The following ANO2 variants were observed in gnomAD, a reference collection of about 807,000 sequenced individuals.
The protein encoded by ANO2 is anoctamin 2, also known as anoctamin-2.
In ANO2, 101 loss-of-function variants were observed where a neutral mutation model predicts 124.2. The ratio of observed to expected loss-of-function variants is 0.81; its 90% confidence interval spans 0.69 to 0.96. ANO2 has a LOEUF of 0.96. ANO2 is among the 40% of genes least tolerant of loss of function. The pLI, the probability that ANO2 is intolerant of heterozygous loss-of-function variation, is 0.00. For missense variants in ANO2, 1,293 were observed against 1,274.5 expected (o/e 1.01, Z -0.22); for synonymous variants, 486 against 482.5 (o/e 1.01, Z -0.09).
Position 5,925,096 on chromosome 12 carries a change from G to A in ANO2, c.23-2292C>T, listed in dbSNP as rs1413750438. On this transcript the variant is annotated intron_variant, in intron 1 of 24. Transcript: ENST00000682330. The surrounding 1 kb of genome is among the most constrained non-coding windows in gnomAD (Gnocchi z 4.6). ...AAGGACTCTACCCCAGAGAAGACCT[G>A]GAAACCTCTAGATGCATGTCTAAAA... Among the ~76,000 whole-genome samples the A allele has an allele frequency of 1.3e-5, 2 of 152,026 alleles. No homozygotes were observed. Among genetic ancestry groups the A allele is most frequent in the Non-Finnish European group, 2.9e-5 (2 of 68,014 alleles).
intron 14 of ANO2, among the ~76,000 whole-genome samples, chr12:5,705,809 A>G (rs1949585576): frequency 6.6e-6 from 1 of 152,140 alleles, no homozygotes; most frequent in Non-Finnish European, 1.5e-5. Context: ...ATTTATGACA[A>G]TCTCCTCTAC....
At chr12:5,732,134 A>G (rs1381826860) in intron 14 of ANO2, among the ~76,000 whole-genome samples, 1 of 152,218 alleles carries the variant, frequency 6.6e-6, no homozygotes, top group Non-Finnish European at 1.5e-5. Context: ...ATAATGTAAT[A>G]CACTTAGAAC....
intron 3 of ANO2, among the ~76,000 whole-genome samples, chr12:5,861,881 G>A (rs1161535156): frequency 2.0e-5 from 3 of 152,070 alleles, no homozygotes; most frequent in Non-Finnish European, 2.9e-5. Flanking sequence ...GGCAGCCATC[G>A]TCACAGGCGA....
rs1591784429 is a variant in ANO2 at position 5,913,828 on chromosome 12, T to C, written c.534+7212A>G. ...AAGTCCGTTTTCTTCCTTAAAACCA[T>C]AGATTAAATCTCACTCTAAAGACAG... On this transcript the variant is annotated intron_variant, in intron 3 of 24. Transcript: ENST00000682330. Among the ~76,000 whole-genome samples the C allele has an allele frequency of 2.6e-5, 4 of 152,334 alleles. 1 individual carries two copies. The highest frequency in any genetic ancestry group is 2.6e-4 in the Admixed American group (4 of 15,306).
chr12:5,703,021 G>A (rs1031641447), intron 14 of ANO2, among the ~76,000 whole-genome samples: 6 of 152,046 alleles, frequency 3.9e-5, no homozygotes, highest in African/African-American at 7.2e-5. Flanking sequence ...TAACATAGAC[G>A]CCTCCAAAAC....
intron 10 of ANO2, among the ~76,000 whole-genome samples, chr12:5,773,187 T>C (rs1952134613): frequency 1.3e-5 from 2 of 152,270 alleles, no homozygotes; most frequent in Non-Finnish European, 1.5e-5. Context: ...CTCCTTCTCT[T>C]GTCCCTTCCT....
At chr12:5,906,831 A>C (rs1054581158) in intron 3 of ANO2, among the ~76,000 whole-genome samples, 2 of 151,756 alleles carry the variant, frequency 1.3e-5, no homozygotes, top group African/African-American at 4.8e-5. Context: ...AAATAAAATA[A>C]ATAGAAATAA....
At chr12:5,641,700 G>C (rs554456322) in intron 15 of ANO2, among the ~76,000 whole-genome samples, 69 of 152,240 alleles carry the variant, frequency 4.5e-4, no homozygotes, top group African/African-American at 1.6e-3. Flanking sequence ...GGCAGTTGTG[G>C]GACCCCAGGC....
At chr12:5,864,468 T>G (rs888680888) in intron 3 of ANO2, among the ~76,000 whole-genome samples, 4 of 152,212 alleles carry the variant, frequency 2.6e-5, no homozygotes, top group African/African-American at 4.8e-5. Context: ...AAAATGCTGC[T>G]GTTTCCTATT....
chr12:5,733,746 G>A (rs964343551), intron 13 of ANO2, among the ~76,000 whole-genome samples: 5 of 152,210 alleles, frequency 3.3e-5, no homozygotes, highest in Non-Finnish European at 5.9e-5. Flanking sequence ...CCCATTCTCC[G>A]AGGGGACGTC....
At chr12:5,608,118 T>C (rs947830688) in intron 19 of ANO2, among the ~76,000 whole-genome samples, 1 of 151,990 alleles carries the variant, frequency 6.6e-6, no homozygotes, top group Non-Finnish European at 1.5e-5. Context: ...TTTTATAATT[T>C]ACATGACTCC....
chr12:5,790,385 T>A (rs1952661908), intron 10 of ANO2, among the ~76,000 whole-genome samples: 1 of 152,088 alleles, frequency 6.6e-6, no homozygotes, highest in African/African-American at 2.4e-5. Context: ...TCCCCCACCA[T>A]CATGTCCCTT....
chr12:5,620,306 T>C (rs2136917154), intron 16 of ANO2, among the ~76,000 whole-genome samples: 1 of 152,292 alleles, frequency 6.6e-6, no homozygotes, highest in East Asian at 1.9e-4. Flanking sequence ...AGTCCAAGCT[T>C]GATCAGAGAC....
At chr12:5,864,024 A>G (rs1323983224) in intron 3 of ANO2, among the ~76,000 whole-genome samples, 1 of 152,212 alleles carries the variant, frequency 6.6e-6, no homozygotes, top group East Asian at 1.9e-4. Flanking sequence ...AGGGATAGGC[A>G]CTGTGAAATC....
Position 5,864,540 on chromosome 12 carries a change from GC to G in ANO2, c.535-10400del, listed in dbSNP as rs1190474231. On this transcript the variant is annotated intron_variant, in intron 3 of 24. Transcript: ENST00000682330. ...GCAAGTGGAATCAGATGCTGTGGAT[GC>G]TAACTCTCAGCAATGGGTGTGCCTC... Among the ~76,000 whole-genome samples, 3 of 152,324 alleles carry G rather than the reference GC, an allele frequency of 2.0e-5. No homozygotes were observed. The East Asian group carries it at 5.8e-4, about 29-fold the overall frequency.
intron 3 of ANO2, among the ~76,000 whole-genome samples, chr12:5,912,447 G>T (rs1189657661): frequency 6.6e-6 from 1 of 152,114 alleles, no homozygotes; most frequent in African/African-American, 2.4e-5. Context: ...GGTGGGGGGA[G>T]GCTAAAACGA....
At chr12:5,668,358 A>G (rs1825194838) in intron 14 of ANO2, among the ~76,000 whole-genome samples, 1 of 151,754 alleles carries the variant, frequency 6.6e-6, no homozygotes, top group Non-Finnish European at 1.5e-5. Context: ...TCTTCTTTTG[A>G]GAAGTGTCCA....
At chr12:5,858,224 C>T (rs58005298) in intron 3 of ANO2, among the ~76,000 whole-genome samples, 2,653 of 152,202 alleles carry the variant, frequency 0.017, 70 homozygotes, top group African/African-American at 0.056. Context: ...GTGACAGATA[C>T]GCTAACTACC....
At chr12:5,887,610 G>A (rs898261416) in intron 3 of ANO2, among the ~76,000 whole-genome samples, 1 of 152,188 alleles carries the variant, frequency 6.6e-6, no homozygotes, top group South Asian at 2.1e-4. Flanking sequence ...TCCAACTAAT[G>A]TTTTCAGACA....
Sources: allele counts gnomAD v4.1 joint callset (sites outside exome capture counted in the v4.1 genomes callset), GRCh38; gene constraint gnomAD v4.1.1; non-coding constraint Gnocchi (gnomAD v3.1); transcripts MANE v1.5; gene names NCBI Gene and HGNC (gene_info 2026-07-23, HGNC 2026-07-21).